The following CSMD2 variants were observed in gnomAD, a reference collection of about 807,000 sequenced individuals.
The protein encoded by CSMD2 is CUB and Sushi multiple domains 2.
A neutral mutation model predicts 398.5 loss-of-function variants in CSMD2; 130 were observed. That is an observed-to-expected ratio of 0.33 (90% CI 0.28 to 0.38). The LOEUF (loss-of-function observed/expected upper bound fraction) is 0.38, where lower values mean the gene tolerates loss of function less well. Ranked by LOEUF, CSMD2 falls within the 10% of genes least tolerant of loss-of-function variation. CSMD2 has a pLI of 1.00. For synonymous variants in CSMD2, 1,828 were observed against 1,908.5 expected (o/e 0.96, Z 1.10); for missense variants, 3,829 against 4,764.9 (o/e 0.80, Z 5.78).
chr1:34,077,181 A>C (rs906210358), intron 2 of CSMD2, among the ~76,000 whole-genome samples: 1 of 151,772 alleles, frequency 6.6e-6, no homozygotes, highest in Admixed American at 6.6e-5. Flanking sequence ...TGCCTTAAAA[A>C]TGCAGTGAGG....
chr1:33,924,763 A>G (rs1436560440), intron 4 of CSMD2, among the ~76,000 whole-genome samples: 1 of 152,106 alleles, frequency 6.6e-6, no homozygotes, highest in African/African-American at 2.4e-5. Context: ...CCTCACTGTG[A>G]TTTTGACTTG....
chr1:33,583,883 G>A (rs1248769523), intron 46 of CSMD2, 53 bp from the exon 47 acceptor site: 21 of 1,493,274 alleles, frequency 1.4e-5, no homozygotes, highest in South Asian at 1.3e-4. Context: ...ATGGAACTAC[G>A]GCCAATACAT....
intron 44 of CSMD2, among the ~76,000 whole-genome samples, chr1:33,594,948 G>A (rs568569474): frequency 2.6e-5 from 4 of 152,216 alleles, no homozygotes; most frequent in Admixed American, 6.5e-5. Flanking sequence ...CAAGTAAGTC[G>A]CCAACATGTT....
In CSMD2 at chr1:33,633,364, A is replaced by C; in HGVS notation, c.5200+58T>G. ...GGTGCTTCTAGAGCCTCCTTCCTTT[A>C]GCCGGACGTGATGCCCCCGGCCCAC... On this transcript the variant is annotated intron_variant, in intron 32 of 70. Coordinates refer to ENST00000373381, the MANE Select transcript of CSMD2 (RefSeq NM_001281956.2). The surrounding 1 kb of genome is among the most constrained non-coding windows in gnomAD (Gnocchi z 5.0). 1.5e-6 allele frequency: 2 copies of C among 1,312,000 alleles called. No individual in the cohort carries two copies. The highest frequency in any genetic ancestry group is 2.1e-6 in the Non-Finnish European group (2 of 930,320). The allele number at this position is 1,312,000 out of a possible 1,614,324, so 81.3% of individuals were successfully genotyped here.
chr1:33,766,104 T>C (rs1465425687), intron 13 of CSMD2, among the ~76,000 whole-genome samples: 1 of 152,186 alleles, frequency 6.6e-6, no homozygotes, highest in Admixed American at 6.5e-5. Flanking sequence ...ACCTCCCTTC[T>C]TCATTCATAT....
At chr1:33,946,713 G>A (rs1644849352) in intron 3 of CSMD2, among the ~76,000 whole-genome samples, 1 of 151,614 alleles carries the variant, frequency 6.6e-6, no homozygotes, top group South Asian at 2.1e-4. Context: ...TCACCTCCCA[G>A]GTTCAAGCGA....
intron 9 of CSMD2, among the ~76,000 whole-genome samples, chr1:33,817,348 G>C (rs1438650933): frequency 6.6e-6 from 1 of 152,128 alleles, no homozygotes; most frequent in African/African-American, 2.4e-5. Flanking sequence ...CGTCAGGGCT[G>C]GTCACTTTCT....
chr1:33,902,239 TG>T (rs1642804006), intron 5 of CSMD2, among the ~76,000 whole-genome samples: 1 of 152,142 alleles, frequency 6.6e-6, no homozygotes, highest in Non-Finnish European at 1.5e-5. Context: ...GGGGTGTAAC[TG>T]AGATGGATCA....
intron 13 of CSMD2, among the ~76,000 whole-genome samples, chr1:33,751,906 T>A (rs1244241920): frequency 1.3e-5 from 2 of 152,214 alleles, no homozygotes; most frequent in Non-Finnish European, 2.9e-5. Context: ...ATTACAGGCA[T>A]GAGCCACTGT....
chr1:33,721,687 C>T (rs930251487), intron 19 of CSMD2, among the ~76,000 whole-genome samples: 2 of 152,174 alleles, frequency 1.3e-5, no homozygotes, highest in Non-Finnish European at 2.9e-5. Context: ...CTAGTCTTGC[C>T]TTGATGCAGT....
intron 14 of CSMD2, among the ~76,000 whole-genome samples, chr1:33,740,311 A>T (rs1647017431): frequency 9.8e-6 from 1 of 102,048 alleles, no homozygotes; most frequent in South Asian, 3.0e-4. Flanking sequence ...TTCACCCCGA[A>T]GCCAGGCTCT....
At chr1:33,946,858 T>C (rs1289569351) in intron 3 of CSMD2, among the ~76,000 whole-genome samples, 1 of 151,880 alleles carries the variant, frequency 6.6e-6, no homozygotes. Flanking sequence ...TGGTCTCCAA[T>C]TCCTGACCTC....
chr1:34,133,624 C>G (rs1042579761), intron 1 of CSMD2, among the ~76,000 whole-genome samples: 2 of 151,702 alleles, frequency 1.3e-5, no homozygotes, highest in Non-Finnish European at 2.9e-5. Flanking sequence ...GAGCAAGACT[C>G]TGTCCAAAAG....
chr1:33,542,982 A>G, intron 57 of CSMD2, 86 bp from the exon 58 acceptor site: 1 of 1,149,144 alleles, frequency 8.7e-7, no homozygotes. Flanking sequence ...TGGAAGCCAC[A>G]TGCTACCTCG....
chr1:33,838,890 C>T (rs1309256369), intron 6 of CSMD2: 2 of 152,696 alleles, frequency 1.3e-5, no homozygotes, highest in East Asian at 1.9e-4. Context: ...CCATGGAAGG[C>T]TTGGTAGAGA....
chr1:33,709,927 G>A (rs1037206211), intron 21 of CSMD2, among the ~76,000 whole-genome samples: 2 of 152,094 alleles, frequency 1.3e-5, no homozygotes, highest in Admixed American at 6.6e-5. Flanking sequence ...CCTGGGGAAA[G>A]TTTTTAGCAT....
intron 51 of CSMD2, among the ~76,000 whole-genome samples, chr1:33,570,190 C>T (rs139303246): frequency 1.6e-4 from 17 of 105,536 alleles, no homozygotes; most frequent in East Asian, 1.4e-3. Context: ...TTTTTTGAGA[C>T]GGAGTCTTGC....
intron 3 of CSMD2, among the ~76,000 whole-genome samples, chr1:33,944,016 T>C (rs1196945632): frequency 1.3e-5 from 2 of 151,418 alleles, no homozygotes; most frequent in Non-Finnish European, 2.9e-5. Flanking sequence ...GGCCAGATAG[T>C]AAATATTTTT....
At chr1:33,761,445 C>A (rs576496988) in intron 13 of CSMD2, among the ~76,000 whole-genome samples, 1 of 152,194 alleles carries the variant, frequency 6.6e-6, no homozygotes, top group African/African-American at 2.4e-5. Context: ...TCTGGTCAGC[C>A]AGACACAGGT....
Sources: allele counts gnomAD v4.1 joint callset (sites outside exome capture counted in the v4.1 genomes callset), GRCh38; gene constraint gnomAD v4.1.1; non-coding constraint Gnocchi (gnomAD v3.1); transcripts MANE v1.5; gene names NCBI Gene and HGNC (gene_info 2026-07-23, HGNC 2026-07-21).